Variants in FAM114A2 observed in about 807,000 individuals in gnomAD.
FAM114A2 encodes protein FAM114A2.
In FAM114A2, 53 loss-of-function variants were observed where a neutral mutation model predicts 58.4. The observed-to-expected ratio is 0.91, with a 90% confidence interval of 0.73 to 1.14. The LOEUF (loss-of-function observed/expected upper bound fraction) is 1.14, where lower values mean the gene tolerates loss of function less well. FAM114A2 is among the 50% of genes most tolerant of loss of function. The pLI is 0.00. For missense variants in FAM114A2, 601 were observed against 581.1 expected (o/e 1.03, Z -0.35); for synonymous variants, 228 against 211.4 (o/e 1.08, Z -0.68).
intron 8 of FAM114A2, among the ~76,000 whole-genome samples, chr5:154,020,624 T>A (rs376048090): frequency 6.6e-6 from 1 of 152,030 alleles, no homozygotes; most frequent in East Asian, 1.9e-4. Flanking sequence ...AACAGAGCAA[T>A]AACAGCCTCT....
chr5:154,004,794 G>A (rs1048926343), intron 9 of FAM114A2, among the ~76,000 whole-genome samples: 7 of 151,960 alleles, frequency 4.6e-5, no homozygotes, highest in Non-Finnish European at 8.8e-5. Flanking sequence ...CTCTGCTTCT[G>A]ATCTGTTTAT....
intron 8 of FAM114A2, among the ~76,000 whole-genome samples, chr5:154,020,869 C>T (rs1010774646): frequency 2.6e-5 from 4 of 152,092 alleles, no homozygotes; most frequent in African/African-American, 9.7e-5. Context: ...ACCAATATCC[C>T]TGATGAACAT....
intron 1 of FAM114A2, chr5:154,036,368 A>G (rs747677632): frequency 2.6e-5 from 4 of 152,198 alleles, no homozygotes; most frequent in Non-Finnish European, 5.9e-5. Context: ...AATTAAAGCC[A>G]AGATACTATT....
chr5:154,028,605 C>A (rs949684026), intron 5 of FAM114A2, among the ~76,000 whole-genome samples: 4 of 152,140 alleles, frequency 2.6e-5, no homozygotes, highest in East Asian at 1.9e-4. Flanking sequence ...TAGCTACAAA[C>A]TGAAAACTAC....
chr5:154,026,870 G>A (rs1266640518), intron 7 of FAM114A2, among the ~76,000 whole-genome samples: 6 of 127,986 alleles, frequency 4.7e-5, no homozygotes, highest in African/African-American at 1.5e-4. Context: ...GGCAGCCTAG[G>A]CCAAAGAAAC....
chr5:153,997,118 T>C (rs913993354), intron 12 of FAM114A2, among the ~76,000 whole-genome samples: 1 of 152,014 alleles, frequency 6.6e-6, no homozygotes. Flanking sequence ...CAATAAGTAT[T>C]AGCAAGGATA....
Position 154,034,775 on chromosome 5 carries a change from T to C in FAM114A2, c.179A>G (p.Asp60Gly). Reference protein sequence around the residue: ...RKRPETKPSSDLETSKVLPIQ... With the variant: ...RKRPETKPSSGLETSKVLPIQ... ...AGGGAGAACTTTTGAAGTCTCAAGG[T>C]CACTGGAAGGTTTGGTCTCTGGTCT... Residue 60 changes from aspartate (D) to glycine (G), a missense_variant, in exon 2 of 14, where the codon GAC becomes GGC. Asp to Gly is a moderately conservative substitution (Grantham distance 94). Transcript: ENST00000351797. The C allele has an allele frequency of 6.2e-7, 1 of 1,613,916 alleles. No individual in the cohort carries two copies. The highest frequency in any genetic ancestry group is 8.5e-7 in the Non-Finnish European group (1 of 1,179,800).
At chr5:154,027,581 A>G in intron 6 of FAM114A2, 1 of 310,160 alleles carries the variant, frequency 3.2e-6, no homozygotes, top group Non-Finnish European at 5.9e-6. Context: ...GCTCACTGCA[A>G]CCTCTGCCTC....
At chr5:153,996,133 T>G (rs1554080247) in intron 12 of FAM114A2, among the ~76,000 whole-genome samples, 1 of 152,154 alleles carries the variant, frequency 6.6e-6, no homozygotes, top group Non-Finnish European at 1.5e-5. Flanking sequence ...GACTTACACT[T>G]CTTGATTCCA....
chr5:154,004,204 T>C (rs149756725), intron 9 of FAM114A2, among the ~76,000 whole-genome samples: 2 of 152,324 alleles, frequency 1.3e-5, no homozygotes, highest in East Asian at 3.9e-4. Flanking sequence ...TTATCCATTC[T>C]CCTGATAATG....
intron 4 of FAM114A2, among the ~76,000 whole-genome samples, chr5:154,032,608 G>C (rs1772276263): frequency 6.6e-6 from 1 of 152,186 alleles, no homozygotes; most frequent in Non-Finnish European, 1.5e-5. Context: ...CATTGGAGAA[G>C]AAACATGCTT....
chr5:154,033,560 T>C (rs992801420), intron 4 of FAM114A2, among the ~76,000 whole-genome samples: 4 of 152,244 alleles, frequency 2.6e-5, no homozygotes, highest in Admixed American at 6.5e-5. Context: ...AACAGTCACT[T>C]GAGATATAAA....
chr5:153,996,356 T>C (rs1031165611), intron 12 of FAM114A2, among the ~76,000 whole-genome samples: 17 of 152,076 alleles, frequency 1.1e-4, no homozygotes, highest in African/African-American at 4.1e-4. Context: ...TGCAAAAGCA[T>C]GAAGCAGGGC....
At chr5:154,000,726 C>T (rs1467338794) in intron 11 of FAM114A2, among the ~76,000 whole-genome samples, 1 of 152,008 alleles carries the variant, frequency 6.6e-6, no homozygotes, top group Non-Finnish European at 1.5e-5. Flanking sequence ...GAAGTTCAGT[C>T]CTTAGAAAAA....
At chr5:154,032,307 C>G (rs1300850288) in intron 4 of FAM114A2, among the ~76,000 whole-genome samples, 1 of 152,210 alleles carries the variant, frequency 6.6e-6, no homozygotes, top group African/African-American at 2.4e-5. Flanking sequence ...AAACCTCTAA[C>G]TTGATTGAGA....
chr5:154,004,955 G>C (rs971003789), intron 9 of FAM114A2, among the ~76,000 whole-genome samples: 4 of 151,850 alleles, frequency 2.6e-5, no homozygotes, highest in African/African-American at 7.3e-5. Context: ...TACTTTTCCA[G>C]CCTCATCTCT....
In FAM114A2 at chr5:154,026,440, G is replaced by A. The variant is rs1325122692; in HGVS notation, c.872C>T (p.Ser291Phe). Residue 291 changes from serine (S) to phenylalanine (F), a missense_variant, in exon 8 of 14, where the codon TCT becomes TTT. Transcript: ENST00000351797. ...CTCTTCTTCACAAAATTCTGCTAGA[G>A]AAAATGTTTCTTTGAGTTGCTCTAA... ...VELEQLKETF[S>F]LAEFCEEEEE... 5 of 1,580,094 alleles carry A rather than the reference G, an allele frequency of 3.2e-6. No individual in the cohort carries two copies. The highest frequency in any genetic ancestry group is 3.4e-6 in the Non-Finnish European group (4 of 1,165,576).
chr5:153,993,594 T>C (rs1039810188), intron 13 of FAM114A2, among the ~76,000 whole-genome samples: 2 of 152,162 alleles, frequency 1.3e-5, no homozygotes, highest in African/African-American at 4.8e-5. Context: ...CATATACTGC[T>C]TTCAAAGATG....
intron 4 of FAM114A2, among the ~76,000 whole-genome samples, chr5:154,033,455 GCTAA>G (rs1348534407): frequency 1.2e-4 from 19 of 152,316 alleles, no homozygotes; most frequent in Admixed American, 1.2e-3. Flanking sequence ...CTCAGATTCA[GCTAA>G]CTCTTATTAG....
Sources: allele counts gnomAD v4.1 joint callset (sites outside exome capture counted in the v4.1 genomes callset), GRCh38; gene constraint gnomAD v4.1.1; transcripts MANE v1.5; gene names NCBI Gene and HGNC (gene_info 2026-07-23, HGNC 2026-07-21).